The following CNTN3 variants were observed in gnomAD, a reference collection of about 807,000 sequenced individuals.
CNTN3 encodes the protein contactin-3.
A neutral mutation model predicts 119.1 loss-of-function variants in CNTN3; 60 were observed. That is an observed-to-expected ratio of 0.50 (90% CI 0.41 to 0.62). The LOEUF is 0.62. Among genes scored for constraint, CNTN3 ranks in the 20% least tolerant of loss-of-function variants. CNTN3 has a pLI of 0.00. For missense variants in CNTN3, 1,101 were observed against 1,242.4 expected (o/e 0.89, Z 1.71); for synonymous variants, 450 against 438.7 (o/e 1.03, Z -0.32).
rs1364510363 is a variant in CNTN3, at chr3:74,614,517, G to C, written c.-207C>G. ...CCGGGGGGCCGCCGTGCGCGCCCGC[G>C]TAAGCCGCCGCCGCCGCAGGCGCAG... On this transcript the variant is annotated 5_prime_UTR_variant, in exon 1 of 23. Coordinates refer to ENST00000263665, the MANE Select transcript of CNTN3 (RefSeq NM_020872.3). 1.4e-5 allele frequency among the ~76,000 whole-genome samples: 2 copies of C among 145,294 alleles called. No homozygotes were observed. The highest frequency in any genetic ancestry group is 5.0e-5 in the African/African-American group (2 of 40,222).
intron 22 of CNTN3, among the ~76,000 whole-genome samples, chr3:74,265,584 G>A (rs1469821349): frequency 1.3e-5 from 2 of 152,094 alleles, no homozygotes; most frequent in Non-Finnish European, 2.9e-5. Context: ...TTTTCTTAGT[G>A]TAGCTTTGTT....
chr3:74,551,221 G>A (rs1010827776), intron 1 of CNTN3, among the ~76,000 whole-genome samples: 11 of 152,290 alleles, frequency 7.2e-5, no homozygotes, highest in Admixed American at 6.5e-5. Flanking sequence ...AGAGGTGCAG[G>A]AGAGATGCAG....
At chr3:74,595,095 CT>C (rs1465536290) in intron 1 of CNTN3, among the ~76,000 whole-genome samples, 1 of 151,956 alleles carries the variant, frequency 6.6e-6, no homozygotes, top group African/African-American at 2.4e-5. Flanking sequence ...TAAATGTCTT[CT>C]TTTGAGAAGT....
intron 20 of CNTN3, among the ~76,000 whole-genome samples, chr3:74,281,120 T>A (rs144276336): frequency 4.9e-4 from 75 of 152,182 alleles, no homozygotes; most frequent in African/African-American, 1.7e-3. Flanking sequence ...TAAGGCCTCA[T>A]TGGGCATTTT....
intron 1 of CNTN3, among the ~76,000 whole-genome samples, chr3:74,602,295 C>CAAAAAAAAAAAAA (rs1167052275): frequency 5.1e-5 from 1 of 19,708 alleles, no homozygotes; most frequent in East Asian, 1.4e-3. Flanking sequence ...GACCTGGTCT[C>CAAAAAAAAAAAAA]AAAAAAAAAA....
chr3:74,347,926 A>G (rs1028795543), intron 11 of CNTN3, among the ~76,000 whole-genome samples: 1 of 152,242 alleles, frequency 6.6e-6, no homozygotes, highest in African/African-American at 2.4e-5. Context: ...CCTAGAGGAC[A>G]TTATGTGAAA....
intron 1 of CNTN3, among the ~76,000 whole-genome samples, chr3:74,555,098 G>A (rs1366326322): frequency 6.6e-6 from 1 of 152,094 alleles, no homozygotes; most frequent in African/African-American, 2.4e-5. Flanking sequence ...TCGATACCTA[G>A]TTTATTGAGA....
chr3:74,319,652 C>T, intron 13 of CNTN3, among the ~76,000 whole-genome samples: 1 of 151,626 alleles, frequency 6.6e-6, no homozygotes, highest in Non-Finnish European at 1.5e-5. Flanking sequence ...CAACAAAAGC[C>T]AAAATTGACA....
At chr3:74,451,031 C>T (rs1337636082) in intron 4 of CNTN3, among the ~76,000 whole-genome samples, 2 of 152,030 alleles carry the variant, frequency 1.3e-5, no homozygotes, top group Non-Finnish European at 2.9e-5. Context: ...ATATACCCAG[C>T]ATTGGGATGG....
chr3:74,491,395 C>T (rs1032109332), intron 3 of CNTN3, among the ~76,000 whole-genome samples: 53 of 151,884 alleles, frequency 3.5e-4, no homozygotes, highest in African/African-American at 1.2e-3. Context: ...CCCAGCTACT[C>T]GGGAGACTAA....
intron 5 of CNTN3, among the ~76,000 whole-genome samples, chr3:74,382,906 C>A (rs1704656532): frequency 6.6e-6 from 1 of 152,140 alleles, no homozygotes; most frequent in South Asian, 2.1e-4. Context: ...GACCAATTGG[C>A]CTTTTTATCA....
intron 1 of CNTN3, among the ~76,000 whole-genome samples, chr3:74,582,627 CAGT>C (rs1009137520): frequency 2.2e-4 from 33 of 152,234 alleles, no homozygotes; most frequent in African/African-American, 6.7e-4. Flanking sequence ...ATTAAAACCA[CAGT>C]AGGATATACT....
intron 1 of CNTN3, among the ~76,000 whole-genome samples, chr3:74,576,380 T>C (rs1704417259): frequency 6.6e-6 from 1 of 152,164 alleles, no homozygotes; most frequent in Admixed American, 6.5e-5. Context: ...ATATTCAATG[T>C]TACAGATAAT....
chr3:74,442,146 T>TACACACACACACACACACAC (rs567314995), intron 4 of CNTN3, among the ~76,000 whole-genome samples: 11 of 123,958 alleles, frequency 8.9e-5, no homozygotes, highest in African/African-American at 3.1e-4. Flanking sequence ...TGCATGCAAG[T>TACACACACACACACACACAC]ACACACACAC....
At chr3:74,435,517 G>C (rs1408657644) in intron 4 of CNTN3, among the ~76,000 whole-genome samples, 1 of 152,036 alleles carries the variant, frequency 6.6e-6, no homozygotes, top group African/African-American at 2.4e-5. Context: ...TCACATATGA[G>C]GCATATGGGC....
chr3:74,580,874 A>G (rs1448098820), intron 1 of CNTN3, among the ~76,000 whole-genome samples: 1 of 152,156 alleles, frequency 6.6e-6, no homozygotes, highest in African/African-American at 2.4e-5. Context: ...GTGCACCATC[A>G]CAATCAACTA....
chr3:74,305,995 ATAATAG>A (rs1376783665), intron 13 of CNTN3, among the ~76,000 whole-genome samples: 2 of 152,018 alleles, frequency 1.3e-5, no homozygotes, highest in Admixed American at 6.6e-5. Context: ...TAAACATTTA[ATAATAG>A]TAATTAAATT....
chr3:74,390,479 T>A (rs1386705783), intron 5 of CNTN3, among the ~76,000 whole-genome samples: 4 of 151,574 alleles, frequency 2.6e-5, no homozygotes, highest in African/African-American at 9.7e-5. Context: ...CAGAAAGCTT[T>A]GAGCTGCTTT....
chr3:74,437,860 G>T (rs1190350882), intron 4 of CNTN3, among the ~76,000 whole-genome samples: 1 of 152,132 alleles, frequency 6.6e-6, no homozygotes, highest in Admixed American at 6.6e-5. Context: ...AAATCTCTGT[G>T]CAAAGTACAT....
Sources: allele counts gnomAD v4.1 joint callset (sites outside exome capture counted in the v4.1 genomes callset), GRCh38; gene constraint gnomAD v4.1.1; transcripts MANE v1.5; gene names NCBI Gene and HGNC (gene_info 2026-07-23, HGNC 2026-07-21).